The following MIER2 variants were observed in gnomAD, a reference collection of about 807,000 sequenced individuals.
MIER2 encodes the protein mesoderm induction early response protein 2.
Under a neutral mutation model 67.6 loss-of-function variants are expected in MIER2, and 30 were observed. The observed-to-expected ratio is 0.44, with a 90% confidence interval of 0.33 to 0.60. The LOEUF (loss-of-function observed/expected upper bound fraction) is 0.60. Among genes scored for constraint, MIER2 ranks in the 20% least tolerant of loss-of-function variants. The pLI is 0.02. For missense variants in MIER2, 702 were observed against 745.1 expected (o/e 0.94, Z 0.67); for synonymous variants, 372 against 312.6 (o/e 1.19, Z -2.00).
intron 10 of MIER2, among the ~76,000 whole-genome samples, chr19:309,186 C>A (rs1970807191): frequency 6.6e-6 from 1 of 152,264 alleles, no homozygotes; most frequent in Admixed American, 6.5e-5. Context: ...TGGCTTGAGA[C>A]CCCTTTCCCT....
intron 3 of MIER2, among the ~76,000 whole-genome samples, chr19:333,867 T>C (rs1265122337): frequency 6.6e-6 from 1 of 151,952 alleles, no homozygotes; most frequent in Non-Finnish European, 1.5e-5. Context: ...TTTGTTTTTG[T>C]ATTTTTAGTA....
At chr19:334,716 G>A (rs187838625) in intron 2 of MIER2, among the ~76,000 whole-genome samples, 174 bp from the exon 3 acceptor site, 22 of 152,312 alleles carry the variant, frequency 1.4e-4, no homozygotes, top group Admixed American at 8.5e-4. Context: ...ACAGGAGCAC[G>A]GCTGGTGAGC....
At chr19:331,329 G>A (rs1972011511) in intron 3 of MIER2, among the ~76,000 whole-genome samples, 1 of 145,202 alleles carries the variant, frequency 6.9e-6, no homozygotes, top group Non-Finnish European at 1.5e-5. Flanking sequence ...CTGAACTCCA[G>A]TCTGGGCAAC....
chr19:334,423 G>T lies in MIER2; in HGVS notation c.220C>A (p.Leu74Met), dbSNP rs1354876034. The T allele has an allele frequency of 6.2e-7, 1 of 1,614,200 alleles. No homozygotes were observed. The highest frequency in any genetic ancestry group is 2.2e-5 in the East Asian group (1 of 44,880). The change falls in exon 3 of 14, where the codon CTG (leucine) becomes ATG (methionine). Residue 74 changes from leucine (L) to methionine (M), a missense_variant. Physicochemically the swap from Leu to Met is conservative, Grantham distance 15. Coordinates refer to ENST00000264819, the MANE Select transcript of MIER2 (RefSeq NM_017550.3). ...ACCTGGGAGATGAAGTCCTTCTCCA[G>T]CTCCTCCTTGGGCTTGTCTGGGCAC... The part of the protein sequence containing the change: ...SRCPDKPKEE[L>M]EKDFISQSND...
intron 7 of MIER2, among the ~76,000 whole-genome samples, chr19:315,553 T>C (rs1971203569): frequency 6.6e-6 from 1 of 152,202 alleles, no homozygotes; most frequent in Non-Finnish European, 1.5e-5. Context: ...CTTCCAGGAC[T>C]GGATAATACA....
intron 3 of MIER2, among the ~76,000 whole-genome samples, chr19:331,037 G>A (rs1971999746): frequency 6.6e-6 from 1 of 152,104 alleles, no homozygotes. Flanking sequence ...AGCCATAAGA[G>A]CCTATCACAA....
At chr19:323,099 G>A (rs897836061) in intron 7 of MIER2, among the ~76,000 whole-genome samples, 48 of 149,210 alleles carry the variant, frequency 3.2e-4, no homozygotes, top group South Asian at 8.6e-4. Context: ...ACACAACCAC[G>A]CAGACGACTC....
At chr19:328,679 T>C (rs1354277317) in intron 3 of MIER2, among the ~76,000 whole-genome samples, 1 of 152,000 alleles carries the variant, frequency 6.6e-6, no homozygotes, top group Non-Finnish European at 1.5e-5. Flanking sequence ...ACTCGGGAGA[T>C]GGAGGTTGCA....
Position 308,525 on chromosome 19 carries a change from G to A in MIER2, c.1198+52C>T, listed in dbSNP as rs540248498. 9.2e-6 allele frequency: 14 copies of A among 1,518,556 alleles called. No individual in the cohort carries two copies. Among genetic ancestry groups the A allele is most frequent in the Admixed American group, 8.0e-5 (4 of 49,938 alleles). The allele number at this position is 1,518,556 out of a possible 1,614,324, so 94.1% of individuals were successfully genotyped here. On this transcript the variant is annotated intron_variant, in intron 12 of 13. Transcript: ENST00000264819. The surrounding 1 kb of genome is among the most constrained non-coding windows in gnomAD (Gnocchi z 9.1). ...AGAGGCTCCACCGGGCCTCACTCAC[G>A]GCTCCAGACCCGTGGCCGCCCCCAG...
rs146391916 is a variant in MIER2, at chr19:314,832, G to A, written c.656-1189C>T. 1.3e-4 allele frequency among the ~76,000 whole-genome samples: 20 copies of A among 152,302 alleles called. No individual in the cohort carries two copies. In the East Asian group the frequency reaches 3.5e-3, roughly 26 times the overall value. On this transcript the variant is annotated intron_variant, in intron 7 of 13. Coordinates refer to ENST00000264819, the MANE Select transcript of MIER2 (RefSeq NM_017550.3). ...TAACCGGATGTGAGGGCTCATGTCT[G>A]TAATCCCAGCACTCTGGGAGGCTGA...
At chr19:322,686 G>A (rs755346625) in intron 7 of MIER2, among the ~76,000 whole-genome samples, 8 of 151,934 alleles carry the variant, frequency 5.3e-5, no homozygotes, top group Non-Finnish European at 8.8e-5. Flanking sequence ...GGCAAACACC[G>A]AGAATGTGGA....
At position 333,932 on chromosome 19, in the gene MIER2, T is replaced by C. The variant is rs141374964; in HGVS notation, c.243+468A>G. Among the ~76,000 whole-genome samples the C allele has an allele frequency of 5.8e-3, 888 of 152,252 alleles. 7 individuals are homozygous for C. Among genetic ancestry groups the C allele is most frequent in the African/African-American group, 0.02 (819 of 41,536 alleles). ...CGGTCTCGATCTCCTGACCTTGTGA[T>C]CCGCGCACCTCGGCCTCCCAAAGTG... On this transcript the variant is annotated intron_variant, in intron 3 of 13. Coordinates refer to ENST00000264819, the MANE Select transcript of MIER2 (RefSeq NM_017550.3).
chr19:324,240 G>A (rs1600145210), intron 7 of MIER2, among the ~76,000 whole-genome samples: 1 of 123,692 alleles, frequency 8.1e-6, no homozygotes, highest in East Asian at 2.3e-4. Context: ...CAATACACAA[G>A]ACACACACAA....
intron 3 of MIER2, among the ~76,000 whole-genome samples, chr19:329,530 T>G (rs1336780968): frequency 1.3e-5 from 2 of 152,170 alleles, no homozygotes; most frequent in South Asian, 2.1e-4. Flanking sequence ...AGTGCATCCC[T>G]GCCCACAAGT....
intron 8 of MIER2, 47 bp from the exon 9 acceptor site, chr19:312,319 C>T (rs765798829): frequency 4.4e-6 from 7 of 1,580,808 alleles, no homozygotes; most frequent in Admixed American, 1.7e-5. Context: ...GCGCAGGAGC[C>T]GACAGCAAGA....
At chr19:336,384 C>A (rs935323166) in intron 1 of MIER2, among the ~76,000 whole-genome samples, 5 of 152,262 alleles carry the variant, frequency 3.3e-5, no homozygotes, top group Non-Finnish European at 5.9e-5. Flanking sequence ...GGACCGCTCA[C>A]AGGGTGGAGG....
At chr19:321,197 G>A (rs566243900) in intron 7 of MIER2, among the ~76,000 whole-genome samples, 5 of 152,198 alleles carry the variant, frequency 3.3e-5, no homozygotes, top group South Asian at 4.1e-4. Flanking sequence ...TTTGATTTGC[G>A]GTTTCAAATA....
rs1970630795 is a variant in MIER2 at position 305,994 on chromosome 19, G to A, written c.*696C>T. 1 of 152,386 alleles carries A rather than the reference G, an allele frequency of 6.6e-6. No homozygotes were observed. The highest frequency in any genetic ancestry group is 1.5e-5 in the Non-Finnish European group (1 of 68,116). 9.4% of individuals were successfully genotyped at this position (152,386 alleles called of 1,614,324 possible). On this transcript the variant is annotated 3_prime_UTR_variant, in exon 14 of 14. Transcript: ENST00000264819. ...ACCTGTCTCCTCAAACCCACGCCTG[G>A]GGTTGCTGAGGGACCCCACCCCAAC...
chr19:339,651 C>T (rs773151026), intron 1 of MIER2, among the ~76,000 whole-genome samples: 8 of 152,220 alleles, frequency 5.3e-5, no homozygotes, highest in Non-Finnish European at 7.3e-5. Context: ...CAAAGAAGGA[C>T]GCACTGACAC....
Sources: allele counts gnomAD v4.1 joint callset (sites outside exome capture counted in the v4.1 genomes callset), GRCh38; gene constraint gnomAD v4.1.1; non-coding constraint Gnocchi (gnomAD v3.1); transcripts MANE v1.5; gene names NCBI Gene and HGNC (gene_info 2026-07-23, HGNC 2026-07-21).